Variants in EPB41L5 observed in about 807,000 individuals in gnomAD.
EPB41L5 encodes the protein erythrocyte membrane protein band 4.1 like 5, also known as band 4.1-like protein 5.
A neutral mutation model predicts 106.6 loss-of-function variants in EPB41L5; 55 were observed. The ratio of observed to expected loss-of-function variants is 0.52; its 90% CI spans 0.42 to 0.65. The LOEUF (loss-of-function observed/expected upper bound fraction) is 0.65. Ranked by LOEUF, EPB41L5 falls within the 30% of genes least tolerant of loss-of-function variation. The pLI is 0.00. For synonymous variants in EPB41L5, 297 were observed against 306.7 expected, an observed-to-expected ratio of 0.97 and a Z score of 0.33; for missense variants, 871 against 882.1, an observed-to-expected ratio of 0.99 and a Z score of 0.16.
At chr2:120,103,726 C>T (rs1268977529) in intron 16 of EPB41L5, among the ~76,000 whole-genome samples, 1 of 152,150 alleles carries the variant, frequency 6.6e-6, no homozygotes, top group Non-Finnish European at 1.5e-5. Flanking sequence ...ATTAAAACCC[C>T]TAACAACATT....
At chr2:120,143,865 A>G (rs528589184) in intron 19 of EPB41L5, among the ~76,000 whole-genome samples, 10 of 152,166 alleles carry the variant, frequency 6.6e-5, no homozygotes, top group Admixed American at 5.2e-4. Flanking sequence ...CTAGAATCTC[A>G]TTTCTGTTCT....
At chr2:120,117,551 C>T (rs909833589) in intron 16 of EPB41L5, among the ~76,000 whole-genome samples, 12 of 152,170 alleles carry the variant, frequency 7.9e-5, no homozygotes, top group African/African-American at 2.9e-4. Context: ...TTCTACCTCT[C>T]ATAGCCTCAC....
At chr2:120,135,268 G>A (rs1351548601) in intron 18 of EPB41L5, among the ~76,000 whole-genome samples, 1 of 151,726 alleles carries the variant, frequency 6.6e-6, no homozygotes, top group Non-Finnish European at 1.5e-5. Flanking sequence ...GAGGAGACAA[G>A]AAAAAAATGA....
At chr2:120,115,846 G>A (rs1389722771) in intron 16 of EPB41L5, among the ~76,000 whole-genome samples, 1 of 152,080 alleles carries the variant, frequency 6.6e-6, no homozygotes, top group Non-Finnish European at 1.5e-5. Context: ...GTCTTGCACT[G>A]TCACCCAGGC....
intron 2 of EPB41L5, among the ~76,000 whole-genome samples, chr2:120,037,834 T>A (rs1679139096): frequency 6.6e-6 from 1 of 152,086 alleles, no homozygotes; most frequent in African/African-American, 2.4e-5. Flanking sequence ...GAAAACTGGA[T>A]ACCCACATGG....
chr2:120,166,923 A>G (rs185554414), intron 22 of EPB41L5, among the ~76,000 whole-genome samples: 1 of 152,346 alleles, frequency 6.6e-6, no homozygotes, highest in East Asian at 1.9e-4. Flanking sequence ...TATAAAAATA[A>G]TGTATCAAAG....
intron 14 of EPB41L5, among the ~76,000 whole-genome samples, chr2:120,099,354 T>G (rs78627912): frequency 6.6e-6 from 1 of 151,850 alleles, no homozygotes; most frequent in Non-Finnish European, 1.5e-5. Flanking sequence ...GTTTTTTTTT[T>G]TGTATTATAG....
chr2:120,174,059 T>C (rs113460018), intron 24 of EPB41L5, among the ~76,000 whole-genome samples: 62 of 152,306 alleles, frequency 4.1e-4, no homozygotes, highest in African/African-American at 1.4e-3. Flanking sequence ...ACAGCAGAAA[T>C]TCACGAGCCC....
rs936630423 is a variant in EPB41L5, at chr2:120,150,661, CT to C, written c.1793+4382del. On this transcript the variant is annotated intron_variant, in intron 20 of 24. Coordinates refer to ENST00000263713, the MANE Select transcript of EPB41L5 (RefSeq NM_020909.4). ...CTGCCCACCCCATTTATTTTTATTT[CT>C]TTTTTTTTTCTAATCCCATGACAGA... Among the ~76,000 whole-genome samples the C allele has an allele frequency of 8.0e-3, 1,188 of 149,166 alleles. 13 individuals are homozygous for C. Among genetic ancestry groups the C allele is most frequent in the African/African-American group, 0.027 (1,104 of 40,830 alleles).
chr2:120,100,135 A>G, intron 14 of EPB41L5, 109 bp from the exon 15 acceptor site: 1 of 771,268 alleles, frequency 1.3e-6, no homozygotes, highest in Non-Finnish European at 2.0e-6. Context: ...TTGAAACAAA[A>G]CGTTAATATC....
intron 16 of EPB41L5, chr2:120,104,149 A>G (rs1684313941): frequency 6.5e-7 from 1 of 1,536,072 alleles, no homozygotes; most frequent in Non-Finnish European, 8.7e-7. Flanking sequence ...CATAGAAACT[A>G]CACTGACTTT....
chr2:120,160,969 C>G lies in EPB41L5; in HGVS notation c.1882C>G (p.Leu628Val), dbSNP rs1434945298. Reference sequence around the variant, plus strand: ...CACACCTGCCGACAGTGGTTCTGTTCTAAAGGTAAGAATACTTTTACTTCT... The same window carrying G: ...CACACCTGCCGACAGTGGTTCTGTTGTAAAGGTAAGAATACTTTTACTTCT... ...LITPADSGSV[L>V]KEATDELDAL... The change falls in exon 21 of 25, where the codon CTA (leucine) becomes GTA (valine). Residue 628 changes from leucine to valine, a missense_variant. By Grantham distance (32) the Leu-to-Val change is conservative. Transcript: ENST00000263713. The G allele has an allele frequency of 1.2e-6, 2 of 1,612,626 alleles. No homozygotes were observed. Among genetic ancestry groups the G allele is most frequent in the Non-Finnish European group, 8.5e-7 (1 of 1,178,686 alleles).
At chr2:120,036,050 G>A (rs62169103) in intron 2 of EPB41L5, among the ~76,000 whole-genome samples, 2,019 of 152,252 alleles carry the variant, frequency 0.013, 17 homozygotes, top group Non-Finnish European at 0.02. Context: ...AATTTGTCTT[G>A]ATAATTAGTA....
intron 16 of EPB41L5, chr2:120,104,602 C>G (rs967703488): frequency 1.2e-5 from 12 of 992,574 alleles, no homozygotes; most frequent in Non-Finnish European, 1.4e-5. Flanking sequence ...CCAAAGAGAT[C>G]GAGGTTAAAA....
intron 18 of EPB41L5, among the ~76,000 whole-genome samples, chr2:120,138,007 G>A (rs1558900348): frequency 6.6e-6 from 1 of 151,962 alleles, no homozygotes; most frequent in Non-Finnish European, 1.5e-5. Context: ...AAGTCATCAC[G>A]TCCAAGTGGG....
chr2:120,030,755 A>G (rs1264105976), intron 2 of EPB41L5, among the ~76,000 whole-genome samples: 1 of 151,750 alleles, frequency 6.6e-6, no homozygotes, highest in Non-Finnish European at 1.5e-5. Flanking sequence ...AGGTCTCACC[A>G]TATTGGCCAG....
chr2:120,095,647 G>T (rs768295672), intron 14 of EPB41L5, among the ~76,000 whole-genome samples: 4 of 151,552 alleles, frequency 2.6e-5, no homozygotes, highest in South Asian at 2.1e-4. Flanking sequence ...GCTTCTGATG[G>T]CTCCATTAAT....
chr2:120,064,118 CA>C (rs1212090368), intron 3 of EPB41L5, among the ~76,000 whole-genome samples: 2 of 152,084 alleles, frequency 1.3e-5, no homozygotes, highest in Non-Finnish European at 2.9e-5. Context: ...GAATCTAGAT[CA>C]AATTGAAGTG....
chr2:120,156,979 A>G (rs543363269), intron 20 of EPB41L5, among the ~76,000 whole-genome samples: 4 of 152,262 alleles, frequency 2.6e-5, no homozygotes, highest in African/African-American at 9.6e-5. Flanking sequence ...CAAAATAACA[A>G]TATACATTCC....
Sources: gnomAD v4.1 joint callset for allele counts (sites outside exome capture counted in the v4.1 genomes callset) on GRCh38, gnomAD v4.1.1 for gene constraint, MANE v1.5 for transcripts, NCBI Gene and HGNC (gene_info 2026-07-23, HGNC 2026-07-21) for gene names.